Variants in MPP7 observed in about 807,000 individuals in gnomAD.
MPP7 encodes the protein MAGUK p55 scaffold protein 7.
Under a neutral mutation model 76.5 loss-of-function variants are expected in MPP7, and 60 were observed. That is an observed-to-expected ratio of 0.78 (90% CI 0.64 to 0.97). The LOEUF is 0.97. Ranked by LOEUF, MPP7 falls within the 50% of genes least tolerant of loss-of-function variation. MPP7 has a pLI of 0.00. For missense variants in MPP7, 641 were observed against 694.0 expected (o/e 0.92, Z 0.86); for synonymous variants, 237 against 244.5 (o/e 0.97, Z 0.29).
intron 1 of MPP7, among the ~76,000 whole-genome samples, chr10:28,273,619 T>C (rs1342454821): frequency 6.6e-6 from 1 of 152,230 alleles, no homozygotes; most frequent in Non-Finnish European, 1.5e-5. Flanking sequence ...TCAGAGACTA[T>C]AAAAGCAAGG....
intron 1 of MPP7, among the ~76,000 whole-genome samples, chr10:28,260,418 G>T (rs999903645): frequency 1.2e-4 from 19 of 152,060 alleles, no homozygotes; most frequent in African/African-American, 4.6e-4. Context: ...CACTTGTCAA[G>T]ATAAAGAAAT....
In MPP7 at chr10:28,124,159, AC is replaced by A. The variant is rs761484783; in HGVS notation, c.530-44del. 4 of 1,281,232 alleles carry A rather than the reference AC, an allele frequency of 3.1e-6. No individual in the cohort carries two copies. The East Asian group carries it at 6.9e-5, about 22-fold the overall frequency. The allele number at this position is 1,281,232 out of a possible 1,614,324, so 79.4% of individuals were successfully genotyped here. A position where few individuals can be genotyped will look rare whatever the true frequency, so the allele number is the denominator to read the frequency against. On this transcript the variant is annotated intron_variant, in intron 7 of 16. Transcript: ENST00000683449. ...TGGTAAATTAGCAGTGTTACCCACA[AC>A]CAAAACTGTAATTTGCAGCTGTTTC...
At position 28,277,666 on chromosome 10, in the gene MPP7, G is replaced by A. The variant is rs766146032; in HGVS notation, c.-132+25195C>T. On this transcript the variant is annotated intron_variant, in intron 1 of 16. Coordinates refer to ENST00000683449, the MANE Select transcript of MPP7 (RefSeq NM_001318170.2). ...GCTTTAAAACCTAATAACAGGGTAC[G>A]GGGTAAACCGAAGGCTGCATATATA... Among the ~76,000 whole-genome samples the A allele has an allele frequency of 1.3e-4, 20 of 152,066 alleles. 1 individual carries two copies. The highest frequency in any genetic ancestry group is 3.6e-4 in the African/African-American group (15 of 41,324).
intron 1 of MPP7, among the ~76,000 whole-genome samples, chr10:28,271,836 G>A (rs572904681): frequency 3.9e-5 from 6 of 152,192 alleles, no homozygotes; most frequent in Admixed American, 3.3e-4. Context: ...TTAACCAAGC[G>A]TGGTGGCACG....
At chr10:28,253,055 G>A (rs1464010354) in intron 1 of MPP7, among the ~76,000 whole-genome samples, 2 of 151,960 alleles carry the variant, frequency 1.3e-5, no homozygotes, top group South Asian at 2.1e-4. Context: ...CTATGAGCAC[G>A]CACCACCATG....
intron 1 of MPP7, among the ~76,000 whole-genome samples, chr10:28,286,502 C>T (rs537704224): frequency 6.6e-6 from 1 of 152,256 alleles, no homozygotes; most frequent in Admixed American, 6.5e-5. Context: ...AAAGAAGAAG[C>T]TGGATGCAGT....
At chr10:28,118,955 T>C in intron 11 of MPP7, 3 of 985,362 alleles carry the variant, frequency 3.0e-6, no homozygotes, top group Non-Finnish European at 3.6e-6. Flanking sequence ...CCTCTTAAAA[T>C]ACCTAGAACC....
chr10:28,135,068 A>G (rs1016018528), intron 5 of MPP7, among the ~76,000 whole-genome samples: 5 of 152,222 alleles, frequency 3.3e-5, no homozygotes, highest in African/African-American at 1.2e-4. Flanking sequence ...GTATCAAGCA[A>G]CAAAGGACAG....
At chr10:28,197,181 CT>C (rs11330044) in intron 3 of MPP7, among the ~76,000 whole-genome samples, 43,040 of 115,074 alleles carry the variant, frequency 0.37, 7,193 homozygotes, top group East Asian at 0.83. Flanking sequence ...GAGCAACTTC[CT>C]TTTTTTTTTT....
intron 13 of MPP7, among the ~76,000 whole-genome samples, chr10:28,065,248 G>A (rs759842955): frequency 1.2e-4 from 19 of 152,080 alleles, no homozygotes; most frequent in Admixed American, 5.2e-4. Flanking sequence ...CCTGACACAC[G>A]GCATCCCACA....
chr10:28,081,191 C>A (rs574874914), intron 12 of MPP7, among the ~76,000 whole-genome samples: 1 of 152,186 alleles, frequency 6.6e-6, no homozygotes, highest in Non-Finnish European at 1.5e-5. Flanking sequence ...CAGAACAAGT[C>A]GCAAATTGTC....
chr10:28,113,150 C>T lies in MPP7; in HGVS notation c.952+6501G>A, dbSNP rs141277515. On this transcript the variant is annotated intron_variant, in intron 11 of 16. Coordinates refer to ENST00000683449, the MANE Select transcript of MPP7 (RefSeq NM_001318170.2). Reference sequence around the variant, plus strand: ...CCACCTCTCAGTCACAGCATAACTCCACGGAACTCATGCCTGCTTTCTTTA... The same window carrying T: ...CCACCTCTCAGTCACAGCATAACTCTACGGAACTCATGCCTGCTTTCTTTA... Among the ~76,000 whole-genome samples the T allele has an allele frequency of 3.4e-3, 521 of 152,260 alleles. 1 individual carries two copies. Among genetic ancestry groups the T allele is most frequent in the African/African-American group, 0.011 (463 of 41,548 alleles).
intron 2 of MPP7, among the ~76,000 whole-genome samples, chr10:28,233,359 G>C (rs1838954464): frequency 1.3e-5 from 2 of 152,180 alleles, no homozygotes; most frequent in Non-Finnish European, 2.9e-5. Flanking sequence ...GTTTACGCAT[G>C]GGTTAACTTA....
At chr10:28,329,559 G>T (rs779998845) in intron 2 of MPP7, among the ~76,000 whole-genome samples, 8 of 150,294 alleles carry the variant, frequency 5.3e-5, no homozygotes, top group Non-Finnish European at 1.0e-4. Flanking sequence ...AACCCAGGAG[G>T]CAGAGCTTGC....
chr10:28,293,425 T>C (rs141408348), intron 1 of MPP7, among the ~76,000 whole-genome samples: 19 of 152,326 alleles, frequency 1.2e-4, no homozygotes, highest in African/African-American at 4.3e-4. Flanking sequence ...AAATGCCACA[T>C]GCCAGCAAGA....
intron 1 of MPP7, among the ~76,000 whole-genome samples, chr10:28,257,701 T>G (rs139574072): frequency 0.017 from 2,540 of 149,638 alleles, 173 homozygotes; most frequent in East Asian, 0.17. Flanking sequence ...CACATGTAAC[T>G]AACCTGCACA....
rs1016865064 is a variant in MPP7 at position 28,086,084 on chromosome 10, A to G, written c.1123+3587T>C. Among the ~76,000 whole-genome samples the G allele has an allele frequency of 2.6e-5, 4 of 152,310 alleles. No individual in the cohort carries two copies. In the South Asian group the frequency reaches 6.2e-4, roughly 24 times the overall value. ...TGTTCTCACTTATAAGTGGAAGTTG[A>G]ACAATGAGAACACATGGACACAGAG... On this transcript the variant is annotated intron_variant, in intron 12 of 16. Coordinates refer to ENST00000683449, the MANE Select transcript of MPP7 (RefSeq NM_001318170.2).
chr10:28,239,167 C>T (rs1188124010), intron 1 of MPP7, among the ~76,000 whole-genome samples: 5 of 148,554 alleles, frequency 3.4e-5, no homozygotes, highest in South Asian at 2.1e-4. Context: ...TTTTTTGATA[C>T]GGAGTCTCAC....
chr10:28,219,941 C>A (rs745514407), intron 2 of MPP7, among the ~76,000 whole-genome samples: 1 of 152,074 alleles, frequency 6.6e-6, no homozygotes, highest in Non-Finnish European at 1.5e-5. Context: ...ACCTATAGTA[C>A]ACTAAAATAC....
Sources: gnomAD v4.1 joint callset for allele counts (sites outside exome capture counted in the v4.1 genomes callset) on GRCh38, gnomAD v4.1.1 for gene constraint, MANE v1.5 for transcripts, NCBI Gene and HGNC (gene_info 2026-07-23, HGNC 2026-07-21) for gene names.